Variants in ESR1 observed in about 807,000 individuals in gnomAD.
ESR1 encodes the protein estrogen receptor 1, also known as estrogen receptor.
In ESR1, 12 loss-of-function variants were observed where a neutral mutation model predicts 52.7. That is an observed-to-expected ratio of 0.23 (90% CI 0.15 to 0.37). The LOEUF (loss-of-function observed/expected upper bound fraction) is 0.37. Ranked by LOEUF, ESR1 falls within the 10% of genes least tolerant of loss-of-function variation. ESR1 has a pLI of 1.00. For synonymous variants in ESR1, 305 were observed against 316.8 expected (o/e 0.96, Z 0.39); for missense variants, 584 against 779.7 (o/e 0.75, Z 2.99).
intron 6 of ESR1, among the ~76,000 whole-genome samples, chr6:152,073,561 C>T (rs1023781323): frequency 6.6e-6 from 1 of 152,234 alleles, no homozygotes; most frequent in African/African-American, 2.4e-5. Flanking sequence ...CACCATCCTG[C>T]ACCCTGTTTT....
At chr6:151,870,276 C>T (rs184043816) in intron 2 of ESR1, among the ~76,000 whole-genome samples, 287 of 151,980 alleles carry the variant, frequency 1.9e-3, no homozygotes, top group Non-Finnish European at 3.1e-3. Context: ...CTGATGAATA[C>T]TTTTTTTGGG....
chr6:151,703,745 C>T (rs942852091), intron 2 of ESR1, among the ~76,000 whole-genome samples: 6 of 152,120 alleles, frequency 3.9e-5, no homozygotes, highest in Admixed American at 3.3e-4. Flanking sequence ...GATCTCATAC[C>T]ATTTTCAGCA....
chr6:151,763,015 A>T (rs1784773076), intron 2 of ESR1, among the ~76,000 whole-genome samples: 1 of 151,488 alleles, frequency 6.6e-6, no homozygotes, highest in South Asian at 2.1e-4. Flanking sequence ...TGTAATTTTT[A>T]TTTTAAATAT....
chr6:151,964,718 T>C (rs1415308460), intron 4 of ESR1, among the ~76,000 whole-genome samples: 1 of 151,966 alleles, frequency 6.6e-6, no homozygotes, highest in Non-Finnish European at 1.5e-5. Context: ...CTCCACTCAC[T>C]GCAAGCTCTG....
chr6:151,780,228 A>G (rs566744738), intron 2 of ESR1, among the ~76,000 whole-genome samples: 25 of 152,164 alleles, frequency 1.6e-4, no homozygotes, highest in African/African-American at 6.0e-4. Context: ...GTCAAGGGGA[A>G]GAATAGCATT....
rs1242269254 is a variant in ESR1 at position 152,101,317 on chromosome 6, G to A, written c.*2351G>A. The A allele has an allele frequency of 4.3e-6, 1 of 232,160 alleles. No homozygotes were observed. Among genetic ancestry groups the A allele is most frequent in the Non-Finnish European group, 8.5e-6 (1 of 117,394 alleles). The allele number at this position is 232,160 out of a possible 1,614,324, so 14.4% of individuals were successfully genotyped here. A position where few individuals can be genotyped will look rare whatever the true frequency, so the allele number is the denominator to read the frequency against. ...GTAATATTTTTGGACAGTAGCTAAT[G>A]GGTCAGTGGGTTCTTTTTAATGTTT... On this transcript the variant is annotated 3_prime_UTR_variant, in exon 8 of 8. Transcript: ENST00000206249.
chr6:151,899,569 G>A (rs1259353346), intron 3 of ESR1, among the ~76,000 whole-genome samples: 3 of 148,302 alleles, frequency 2.0e-5, no homozygotes, highest in African/African-American at 4.9e-5. Context: ...CTGGCCGGGC[G>A]GGGAGCTGAC....
intron 2 of ESR1, among the ~76,000 whole-genome samples, chr6:151,850,045 T>TA (rs1786159814): frequency 1.3e-4 from 3 of 22,624 alleles, no homozygotes; most frequent in South Asian, 2.2e-3. Context: ...TATATATAAT[T>TA]TTATATATAT....
chr6:151,986,470 C>A (rs996041836), intron 4 of ESR1, among the ~76,000 whole-genome samples: 3 of 151,896 alleles, frequency 2.0e-5, no homozygotes, highest in African/African-American at 7.3e-5. Flanking sequence ...TCCCCCAGGC[C>A]CCTTGGTATG....
At position 151,993,788 on chromosome 6, in the gene ESR1, C is replaced by T. The variant is rs371224981; in HGVS notation, c.1097-17868C>T. Among the ~76,000 whole-genome samples, 58 of 152,270 alleles carry T rather than the reference C, an allele frequency of 3.8e-4. No homozygotes were observed. In the South Asian group the frequency reaches 0.012, roughly 31 times the overall value. Reference sequence around the variant, plus strand: ...AGGTTCAGAAAGGTTGAGTGTCTTGCCCAAGGCCACACGGCTTCTTAGTGG... The same window carrying T: ...AGGTTCAGAAAGGTTGAGTGTCTTGTCCAAGGCCACACGGCTTCTTAGTGG... On this transcript the variant is annotated intron_variant, in intron 4 of 7. Transcript: ENST00000206249.
At chr6:151,735,051 G>C (rs936240854) in intron 2 of ESR1, among the ~76,000 whole-genome samples, 3 of 152,148 alleles carry the variant, frequency 2.0e-5, no homozygotes, top group Non-Finnish European at 2.9e-5. Context: ...AAAGCAGACT[G>C]TGAATAAATA....
At chr6:152,111,644 C>A (rs1474991837) in intron 6 of ESR1, among the ~76,000 whole-genome samples, 1 of 152,132 alleles carries the variant, frequency 6.6e-6, no homozygotes, top group Admixed American at 6.5e-5. Context: ...ACATTTCCAA[C>A]CAGAAAGAAC....
At chr6:152,060,008 G>T (rs1006591780) in intron 5 of ESR1, among the ~76,000 whole-genome samples, 2 of 152,176 alleles carry the variant, frequency 1.3e-5, no homozygotes, top group East Asian at 3.9e-4. Context: ...TGTGCATGCA[G>T]AAAATATTTT....
chr6:152,017,698 C>T (rs1300011593), intron 5 of ESR1, among the ~76,000 whole-genome samples: 2 of 151,994 alleles, frequency 1.3e-5, no homozygotes, highest in Non-Finnish European at 2.9e-5. Context: ...AGACTGAAAA[C>T]AGGAGCAAAA....
intron 4 of ESR1, among the ~76,000 whole-genome samples, chr6:151,963,363 T>G (rs571588220): frequency 2.3e-4 from 35 of 152,316 alleles, no homozygotes; most frequent in Non-Finnish European, 4.4e-4. Flanking sequence ...GTAAGAGTGA[T>G]CCCAGCATTC....
chr6:151,740,823 C>T (rs555603566), intron 2 of ESR1, among the ~76,000 whole-genome samples: 7 of 152,158 alleles, frequency 4.6e-5, no homozygotes, highest in Non-Finnish European at 1.0e-4. Context: ...TCTACCTCTT[C>T]TCCTTAAACC....
intron 4 of ESR1, among the ~76,000 whole-genome samples, chr6:151,955,010 A>T (rs1262242781): frequency 6.6e-6 from 1 of 152,204 alleles, no homozygotes; most frequent in Non-Finnish European, 1.5e-5. Flanking sequence ...GAAAAGATTT[A>T]CAAGTATGTA....
At chr6:151,671,717 T>C (rs1400161892) in intron 1 of ESR1, among the ~76,000 whole-genome samples, 2 of 152,044 alleles carry the variant, frequency 1.3e-5, no homozygotes, top group African/African-American at 4.8e-5. Context: ...TTAGGCCAGG[T>C]GTGGTGGCTT....
At chr6:151,771,844 AAAC>A (rs1407361196) in intron 2 of ESR1, among the ~76,000 whole-genome samples, 3 of 152,354 alleles carry the variant, frequency 2.0e-5, no homozygotes, top group East Asian at 1.9e-4. Context: ...TAATTAAAAA[AAAC>A]AACAACTGAC....
Sources: allele counts gnomAD v4.1 joint callset (sites outside exome capture counted in the v4.1 genomes callset), GRCh38; gene constraint gnomAD v4.1.1; transcripts MANE v1.5; gene names NCBI Gene and HGNC (gene_info 2026-07-23, HGNC 2026-07-21).